The following RALGAPA2 variants were observed in gnomAD, a reference collection of about 807,000 sequenced individuals.
The protein encoded by RALGAPA2 is Ral GTPase activating protein catalytic subunit alpha 2.
A neutral mutation model predicts 230.4 loss-of-function variants in RALGAPA2; 139 were observed. That is an observed-to-expected ratio of 0.60 (90% CI 0.53 to 0.69). The LOEUF is 0.69. Ranked by LOEUF, RALGAPA2 falls within the 30% of genes least tolerant of loss-of-function variation. The pLI is 0.00. For missense variants in RALGAPA2, 2,163 were observed against 2,276.0 expected (o/e 0.95, Z 1.01); for synonymous variants, 847 against 837.8 (o/e 1.01, Z -0.19).
chr20:20,468,732 C>A (rs769140249), intron 37 of RALGAPA2, among the ~76,000 whole-genome samples: 2 of 152,026 alleles, frequency 1.3e-5, no homozygotes, highest in African/African-American at 4.8e-5. Context: ...GTTCTGTCTG[C>A]GATTCTGTTC....
intron 36 of RALGAPA2, among the ~76,000 whole-genome samples, chr20:20,477,760 G>A (rs1372644695): frequency 6.6e-6 from 1 of 152,030 alleles, no homozygotes; most frequent in Non-Finnish European, 1.5e-5. Flanking sequence ...TAATTTTTTT[G>A]TACTTTTAGT....
chr20:20,650,949 G>A (rs1266211957), intron 4 of RALGAPA2, among the ~76,000 whole-genome samples: 5 of 152,180 alleles, frequency 3.3e-5, no homozygotes, highest in Admixed American at 6.5e-5. Flanking sequence ...TTCTGTGTAA[G>A]TCATTAGTGG....
chr20:20,641,093 G>GT (rs1264495845), intron 5 of RALGAPA2, among the ~76,000 whole-genome samples: 4 of 152,152 alleles, frequency 2.6e-5, no homozygotes, highest in Admixed American at 2.0e-4. Flanking sequence ...GGGTTCAAAT[G>GT]TAAGCGCTGC....
intron 23 of RALGAPA2, among the ~76,000 whole-genome samples, chr20:20,552,874 C>T (rs961959549): frequency 6.6e-6 from 1 of 152,092 alleles, no homozygotes; most frequent in Non-Finnish European, 1.5e-5. Context: ...CAAGGACATA[C>T]TTTACATACT....
chr20:20,702,961 C>T (rs564724942), intron 1 of RALGAPA2, among the ~76,000 whole-genome samples: 11 of 152,042 alleles, frequency 7.2e-5, no homozygotes, highest in Non-Finnish European at 1.6e-4. Flanking sequence ...TCACTGGAGG[C>T]GAGGATTTCA....
intron 38 of RALGAPA2, among the ~76,000 whole-genome samples, chr20:20,399,291 C>A (rs1162132410): frequency 3.6e-5 from 5 of 140,280 alleles, no homozygotes; most frequent in Non-Finnish European, 7.5e-5. Context: ...TTTCAGTGAG[C>A]TGGGATCATG....
chr20:20,619,501 T>C (rs1425994874), intron 11 of RALGAPA2, 87 bp from the exon 12 acceptor site: 1 of 1,012,534 alleles, frequency 9.9e-7, no homozygotes, highest in Non-Finnish European at 1.3e-6. Flanking sequence ...ATATATTATA[T>C]AAACTAAGTT....
At chr20:20,608,198 T>C (rs2065879590) in intron 14 of RALGAPA2, among the ~76,000 whole-genome samples, 1 of 152,154 alleles carries the variant, frequency 6.6e-6, no homozygotes, top group South Asian at 2.1e-4. Context: ...AACTAATAAA[T>C]CACTCCTGTT....
chr20:20,652,620 A>T (rs1287110353), intron 4 of RALGAPA2, among the ~76,000 whole-genome samples: 3 of 152,210 alleles, frequency 2.0e-5, no homozygotes, highest in Admixed American at 2.0e-4. Flanking sequence ...AAATACAATC[A>T]TCTGGTAAGT....
intron 3 of RALGAPA2, among the ~76,000 whole-genome samples, chr20:20,666,396 A>G (rs1260517935): frequency 2.0e-5 from 3 of 152,260 alleles, no homozygotes; most frequent in Non-Finnish European, 4.4e-5. Context: ...GAAATCCTCA[A>G]TAAGAACTTA....
chr20:20,481,129 A>C (rs2061763606), intron 36 of RALGAPA2, among the ~76,000 whole-genome samples: 1 of 152,240 alleles, frequency 6.6e-6, no homozygotes, highest in South Asian at 2.1e-4. Flanking sequence ...GTGAAAGCAA[A>C]GAGAGCCTTT....
intron 1 of RALGAPA2, among the ~76,000 whole-genome samples, chr20:20,704,403 T>G (rs1056500575): frequency 1.3e-5 from 2 of 152,150 alleles, no homozygotes; most frequent in Non-Finnish European, 2.9e-5. Context: ...AACACCTCCA[T>G]GTTAGGTACT....
At chr20:20,454,892 T>A (rs2061074372) in intron 37 of RALGAPA2, among the ~76,000 whole-genome samples, 1 of 152,294 alleles carries the variant, frequency 6.6e-6, no homozygotes. Context: ...ATACCCAGAC[T>A]AGAAATAATT....
At chr20:20,454,012 A>C (rs6046867) in intron 37 of RALGAPA2, among the ~76,000 whole-genome samples, 1 of 152,160 alleles carries the variant, frequency 6.6e-6, no homozygotes, top group Non-Finnish European at 1.5e-5. Context: ...TTGCACCTCT[A>C]TATCGTAGGG....
At chr20:20,608,738 G>A (rs1452985903) in intron 14 of RALGAPA2, among the ~76,000 whole-genome samples, 1 of 152,280 alleles carries the variant, frequency 6.6e-6, no homozygotes, top group African/African-American at 2.4e-5. Flanking sequence ...TAGTATTCTT[G>A]CCTCTTGCAT....
intron 27 of RALGAPA2, among the ~76,000 whole-genome samples, chr20:20,530,219 G>A (rs1363188721): frequency 1.3e-5 from 2 of 152,172 alleles, no homozygotes; most frequent in Admixed American, 1.3e-4. Flanking sequence ...TGAAGTGGAG[G>A]TGGCACTGAC....
rs541957315 is a variant in RALGAPA2, at chr20:20,663,841, C to T, written c.271-10254G>A. Among the ~76,000 whole-genome samples the T allele has an allele frequency of 6.6e-5, 10 of 152,326 alleles. No individual in the cohort carries two copies. The South Asian group carries it at 1.5e-3, about 22-fold the overall frequency. ...TCCTGGCCTCAAGCAATCCACCTGCCTCAGCCTCCCAAAGTGCTGGGATTA... is the reference window on the plus strand; with the variant it reads ...TCCTGGCCTCAAGCAATCCACCTGCTTCAGCCTCCCAAAGTGCTGGGATTA... On this transcript the variant is annotated intron_variant, in intron 3 of 39. Transcript: ENST00000202677.
At chr20:20,457,850 C>G (rs73287257) in intron 37 of RALGAPA2, among the ~76,000 whole-genome samples, 3,706 of 152,252 alleles carry the variant, frequency 0.024, 141 homozygotes, top group African/African-American at 0.085. Context: ...CACATGTGTG[C>G]GGGGCTCTCG....
intron 8 of RALGAPA2, among the ~76,000 whole-genome samples, chr20:20,636,556 G>A (rs6082076): frequency 0.091 from 11,735 of 129,652 alleles, 529 homozygotes; most frequent in East Asian, 0.26. Flanking sequence ...GTGTGTGTGT[G>A]TATGTGTGTG....
Sources: allele counts gnomAD v4.1 joint callset (sites outside exome capture counted in the v4.1 genomes callset), GRCh38; gene constraint gnomAD v4.1.1; transcripts MANE v1.5; gene names NCBI Gene and HGNC (gene_info 2026-07-23, HGNC 2026-07-21).